Variants in PIEZO1 observed in about 807,000 individuals in gnomAD.
The protein encoded by PIEZO1 is piezo type mechanosensitive ion channel component 1 (Er blood group).
PIEZO1 carries 296 observed loss-of-function variants against 297.2 expected under a neutral mutation model. The observed-to-expected ratio is 1.00, with a 90% CI of 0.91 to 1.10. The LOEUF is 1.10. PIEZO1 is among the 50% of genes least tolerant of loss of function. The pLI is 0.00. For synonymous variants in PIEZO1, 2,427 were observed against 1,507.5 expected, an observed-to-expected ratio of 1.61 and a Z score of -14.13; for missense variants, 5,018 against 3,455.5, an observed-to-expected ratio of 1.45 and a Z score of -11.34.
chr16:88,755,070 A>T (rs2142873334), intron 1 of PIEZO1, among the ~76,000 whole-genome samples: 1 of 152,150 alleles, frequency 6.6e-6, no homozygotes, highest in South Asian at 2.1e-4. Flanking sequence ...CCATCACGTC[A>T]CCGCCGCCCC....
rs931010460 is a variant in PIEZO1 at position 88,731,529 on chromosome 16, G to A, written c.3196+177C>T. The A allele has an allele frequency of 2.5e-5, 15 of 592,856 alleles. 1 individual carries two copies. Among genetic ancestry groups the A allele is most frequent in the South Asian group, 1.9e-4 (9 of 48,638 alleles). The allele number at this position is 592,856 out of a possible 1,614,324, so 36.7% of individuals were successfully genotyped here. A position where few individuals can be genotyped will look rare whatever the true frequency, so the allele number is the denominator to read the frequency against. On this transcript the variant is annotated intron_variant, in intron 22 of 50. Coordinates refer to ENST00000301015, the MANE Select transcript of PIEZO1 (RefSeq NM_001142864.4). The stretch of plus-strand genomic sequence containing the variant: ...GCCTGGAGGGGGCCAGGCCGCCCCC[G>A]AGAGACAGGATGCAGGTGATGGCGC...
chr16:88,723,741 G>A, intron 31 of PIEZO1, 130 bp downstream of exon 31: 1 of 626,698 alleles, frequency 1.6e-6, no homozygotes, highest in East Asian at 2.7e-5. Context: ...GATGGGGCGG[G>A]GTGGGCTAAC....
rs770345428 is a variant in PIEZO1, at chr16:88,726,766, G to A, written c.3648C>T (p.Asp1216=). 42 of 1,550,076 alleles carry A rather than the reference G, an allele frequency of 2.7e-5. No individual in the cohort carries two copies. Among genetic ancestry groups the A allele is most frequent in the Non-Finnish European group, 3.6e-5 (41 of 1,146,872 alleles). Residue 1216 remains aspartate, a synonymous_variant, in exon 25 of 51, where the codon GAC becomes GAT. Coordinates refer to ENST00000301015, the MANE Select transcript of PIEZO1 (RefSeq NM_001142864.4). The part of the protein sequence containing the change: ...RDTRARLVLW[D]CLILYNVTVI... ...CGGTGACGTTGTACAGAATGAGGCA[G>A]TCCCACAGCACGAGGCGGGCCCGTG...
At chr16:88,737,527 C>G in intron 10 of PIEZO1, 32 bp downstream of exon 10, 2 of 1,455,016 alleles carry the variant, frequency 1.4e-6, no homozygotes, top group South Asian at 1.2e-5. Context: ...GCCCCCCGCA[C>G]CCAGCCATAC....
rs558743263 is a variant in PIEZO1 at position 88,720,242 on chromosome 16, G to A, written c.5991C>T (p.Asp1997=). 1.1e-4 allele frequency: 166 copies of A among 1,550,520 alleles called. No individual in the cohort carries two copies. The highest frequency in any genetic ancestry group is 1.3e-4 in the Non-Finnish European group (147 of 1,146,972). ...CCAGGAAAGCCTCGGGTACCTGGTCGTCTGATAGGGAGGACGTGATGTCTG... is the reference window on the plus strand; with the variant it reads ...CCAGGAAAGCCTCGGGTACCTGGTCATCTGATAGGGAGGACGTGATGTCTG... ...AATDITSSLS[D]DQVPEAFLVM... Residue 1997 remains aspartate (D), a synonymous_variant, in exon 42 of 51, where the codon GAC becomes GAT. Transcript: ENST00000301015.
At chr16:88,773,628 G>A (rs1907525183) in intron 1 of PIEZO1, among the ~76,000 whole-genome samples, 1 of 152,180 alleles carries the variant, frequency 6.6e-6, no homozygotes, top group African/African-American at 2.4e-5. Flanking sequence ...GGACTGGACA[G>A]CAGCTGCCTA....
chr16:88,758,371 C>T (rs566032644), intron 1 of PIEZO1, among the ~76,000 whole-genome samples: 1 of 152,346 alleles, frequency 6.6e-6, no homozygotes, highest in East Asian at 1.9e-4. Flanking sequence ...CCAGCAGTGG[C>T]CTGGCCTGGG....
intron 30 of PIEZO1, among the ~76,000 whole-genome samples, chr16:88,724,732 G>C (rs913498393): frequency 2.6e-5 from 4 of 152,156 alleles, no homozygotes; most frequent in African/African-American, 7.2e-5. Context: ...GTGCTGCTGG[G>C]TCCCAGGTGA....
rs1370671333 is a variant in PIEZO1, at chr16:88,716,269, G to C, written c.7058C>G (p.Pro2353Arg). Reference sequence around the variant, plus strand: ...ACGGATGTACTTGGGGAAGAGATTAGGGATGACCCTGCAGGGAGGTGCTGG... The same window carrying C: ...ACGGATGTACTTGGGGAAGAGATTACGGATGACCCTGCAGGGAGGTGCTGG... ...EGTSDQSVVI[P>R]NLFPKYIRAP... Residue 2353 changes from proline to arginine, a missense_variant, in exon 49 of 51, where the codon CCT becomes CGT. Transcript: ENST00000301015. 6.7e-7 allele frequency: 1 copy of C among 1,491,194 alleles called. No individual in the cohort carries two copies. Among genetic ancestry groups the C allele is most frequent in the Admixed American group, 2.2e-5 (1 of 44,628 alleles). 92.4% of individuals were successfully genotyped at this position (1,491,194 alleles called of 1,614,324 possible).
chr16:88,720,741 C>G lies in PIEZO1; in HGVS notation c.5676G>C (p.Glu1892Asp). Reference protein sequence around the residue: ...ARKGAAAIEAEDREEEEGEEE... With the variant: ...ARKGAAAIEADDREEEEGEEE... Reference sequence around the variant, plus strand: ...CCTCCCCCTCTTCTTCCTCCCTGTCCTCAGCTTCTGTAGGGAAAAGCTGAC... The same window carrying G: ...CCTCCCCCTCTTCTTCCTCCCTGTCGTCAGCTTCTGTAGGGAAAAGCTGAC... The change falls in exon 40 of 51, where the codon GAG becomes GAC. Residue 1892 changes from glutamate to aspartate, a missense_variant. Physicochemically the swap from Glu to Asp is conservative, Grantham distance 45 (BLOSUM62 2). Transcript: ENST00000301015. 1 of 1,502,558 alleles carries G rather than the reference C, an allele frequency of 6.7e-7. No individual in the cohort carries two copies. The highest frequency in any genetic ancestry group is 8.9e-7 in the Non-Finnish European group (1 of 1,126,754). The allele number at this position is 1,502,558 out of a possible 1,614,324, so 93.1% of individuals were successfully genotyped here.
chr16:88,739,254 G>GC (rs1905472740), intron 5 of PIEZO1: 1 of 153,632 alleles, frequency 6.5e-6, no homozygotes, highest in African/African-American at 2.4e-5. Context: ...CCTCTGGGGG[G>GC]ACAGAGGTGG....
intron 21 of PIEZO1, 47 bp from the exon 22 acceptor site, chr16:88,731,957 G>GCGGGGTGT (rs151293846): frequency 1.0e-5 from 1 of 97,896 alleles, no homozygotes. Flanking sequence ...GAGTCTGGGG[G>GCGGGGTGT]GAGGGACTTT....
At position 88,738,559 on chromosome 16, in the gene PIEZO1, G is replaced by A. The variant is rs996978673; in HGVS notation, c.634+9C>T. 33 of 1,532,198 alleles carry A rather than the reference G, an allele frequency of 2.2e-5. No individual in the cohort carries two copies. The highest frequency in any genetic ancestry group is 1.7e-4 in the Middle Eastern group (1 of 5,986). 94.9% of individuals were successfully genotyped at this position (1,532,198 alleles called of 1,614,324 possible). Reference sequence around the variant, plus strand: ...TGTGACTGCCAGTGCCCCCTGCCTCGGTGCGTACCTGCCAGTGCAAGCAGT... The same window carrying A: ...TGTGACTGCCAGTGCCCCCTGCCTCAGTGCGTACCTGCCAGTGCAAGCAGT... On this transcript the variant is annotated intron_variant, in intron 6 of 50. Transcript: ENST00000301015.
At position 88,722,306 on chromosome 16, in the gene PIEZO1, C is replaced by G; in HGVS notation, c.4867G>C (p.Glu1623Gln). The G allele has an allele frequency of 6.5e-7, 1 of 1,548,110 alleles. No homozygotes were observed. The highest frequency in any genetic ancestry group is 8.7e-7 in the Non-Finnish European group (1 of 1,146,466). Residue 1623 changes from glutamate to glutamine, a missense_variant, in exon 36 of 51, where the codon GAG becomes CAG. Coordinates refer to ENST00000301015, the MANE Select transcript of PIEZO1 (RefSeq NM_001142864.4). ...TGYHTRSGSE[E>Q]AVTDPGEREA... ...CGCTCCCCGGGGTCGGTGACTGCCTCCTCACTGCCACTGCGCGTGTGGTAG... is the reference window on the plus strand; with the variant it reads ...CGCTCCCCGGGGTCGGTGACTGCCTGCTCACTGCCACTGCGCGTGTGGTAG...
Position 88,738,237 on chromosome 16 carries a change from T to C in PIEZO1, c.838A>G (p.Ile280Val). 1 of 1,535,780 alleles carries C rather than the reference T, an allele frequency of 6.5e-7. No individual in the cohort carries two copies. The highest frequency in any genetic ancestry group is 8.7e-7 in the Non-Finnish European group (1 of 1,146,782). Residue 280 changes from isoleucine (I) to valine (V), a missense_variant, in exon 7 of 51, where the codon ATC becomes GTC. Transcript: ENST00000301015. ...GTGGCAAGCCGTTACCTAGCCCAGATGCCGGCAGGCGGGAGCAGAGCCTGT... is the reference window on the plus strand; with the variant it reads ...GTGGCAAGCCGTTACCTAGCCCAGACGCCGGCAGGCGGGAGCAGAGCCTGT... Reference protein sequence around the residue: ...LAQALLPPAGIWARVLGLKDF... With the variant: ...LAQALLPPAGVWARVLGLKDF...
intron 1 of PIEZO1, among the ~76,000 whole-genome samples, chr16:88,751,057 A>C (rs1004225758): frequency 2.6e-5 from 4 of 151,884 alleles, no homozygotes; most frequent in African/African-American, 4.8e-5. Flanking sequence ...CATGCGTGCC[A>C]CCATCTGCCC....
chr16:88,731,276 T>G, intron 22 of PIEZO1: 1 of 205,814 alleles, frequency 4.9e-6, no homozygotes, highest in South Asian at 8.1e-5. Flanking sequence ...AGGACACGTT[T>G]GACGATGGCA....
chr16:88,779,775 G>C (rs1410198010), intron 1 of PIEZO1, among the ~76,000 whole-genome samples: 1 of 152,248 alleles, frequency 6.6e-6, no homozygotes, highest in Non-Finnish European at 1.5e-5. Context: ...CAGGCGGTGA[G>C]TGGCCCCTTC....
chr16:88,760,658 G>A (rs1245669959), intron 1 of PIEZO1, among the ~76,000 whole-genome samples: 3 of 152,132 alleles, frequency 2.0e-5, no homozygotes, highest in South Asian at 2.1e-4. Flanking sequence ...CGAGGCAGCA[G>A]CACCCAGGAA....
Sources: gnomAD v4.1 joint callset for allele counts (sites outside exome capture counted in the v4.1 genomes callset) on GRCh38, gnomAD v4.1.1 for gene constraint, MANE v1.5 for transcripts, NCBI Gene and HGNC (gene_info 2026-07-23, HGNC 2026-07-21) for gene names.